SH3BGRL2: variants seen among roughly 807,000 people sequenced by gnomAD.
SH3BGRL2 encodes the protein SH3 domain binding glutamate rich protein like 2.
A neutral mutation model predicts 14.8 loss-of-function variants in SH3BGRL2; 21 were observed. The ratio of observed to expected loss-of-function variants is 1.42; its 90% confidence interval spans 1.01 to 2.05. The LOEUF is 2.05. SH3BGRL2 is among the 30% of genes most tolerant of loss of function. The pLI, the probability that SH3BGRL2 is intolerant of heterozygous loss-of-function variation, is 0.00. For missense variants in SH3BGRL2, 147 were observed against 130.8 expected, an observed-to-expected ratio of 1.12 and a Z score of -0.61; for synonymous variants, 50 against 47.8, an observed-to-expected ratio of 1.05 and a Z score of -0.19.
At chr6:79,669,452 CTTTTTTTTTT>C (rs66477199) in intron 1 of SH3BGRL2, among the ~76,000 whole-genome samples, 1 of 122,962 alleles carries the variant, frequency 8.1e-6, no homozygotes, top group African/African-American at 3.0e-5. Context: ...AATTTATATT[CTTTTTTTTTT>C]TTTTTTTTTG....
intron 1 of SH3BGRL2, among the ~76,000 whole-genome samples, chr6:79,636,814 A>G (rs922345808): frequency 2.0e-5 from 3 of 152,092 alleles, no homozygotes; most frequent in Admixed American, 6.6e-5. Context: ...CTGTGCATGT[A>G]TCTTTGTGCC....
At chr6:79,695,867 TTG>T (rs1562160607) in intron 2 of SH3BGRL2, among the ~76,000 whole-genome samples, 1 of 152,216 alleles carries the variant, frequency 6.6e-6, no homozygotes, top group Non-Finnish European at 1.5e-5. Flanking sequence ...CCAGAATTCC[TTG>T]ATGCCTTCTT....
chr6:79,546,008 T>A, the SH3BGRL2 span, among the ~76,000 whole-genome samples: 11 of 151,232 alleles, frequency 7.3e-5, no homozygotes, highest in Admixed American at 1.3e-4. Flanking sequence ...TCCTTACATT[T>A]AAAAAAAAAT....
intron 2 of SH3BGRL2, among the ~76,000 whole-genome samples, chr6:79,681,999 TTACACACACACACAC>T (rs1769997201): frequency 1.4e-5 from 2 of 140,640 alleles, no homozygotes; most frequent in Middle Eastern, 3.6e-3. Flanking sequence ...CACTATTATT[TTACACACACACACAC>T]TACACACACA....
At chr6:79,539,252 GT>G in the SH3BGRL2 span, among the ~76,000 whole-genome samples, 1 of 152,132 alleles carries the variant, frequency 6.6e-6, no homozygotes, top group Admixed American at 6.5e-5. Context: ...TGAGAAAGCA[GT>G]TTTAAAAGTT....
chr6:79,651,116 T>A (rs2127726434), intron 1 of SH3BGRL2, among the ~76,000 whole-genome samples: 1 of 152,206 alleles, frequency 6.6e-6, no homozygotes, highest in African/African-American at 2.4e-5. Flanking sequence ...CAAAACACAT[T>A]GTGTTGCAGA....
At chr6:79,695,215 C>T (rs1770307210) in intron 2 of SH3BGRL2, among the ~76,000 whole-genome samples, 1 of 152,158 alleles carries the variant, frequency 6.6e-6, no homozygotes, top group Non-Finnish European at 1.5e-5. Flanking sequence ...TCGCTCTTTT[C>T]AGACATGTTG....
At chr6:79,554,775 C>T in the SH3BGRL2 span, among the ~76,000 whole-genome samples, 9 of 151,944 alleles carry the variant, frequency 5.9e-5, no homozygotes, top group Non-Finnish European at 1.2e-4. Flanking sequence ...GTTTTAGTTC[C>T]CCTATTTGTA....
intron 1 of SH3BGRL2, among the ~76,000 whole-genome samples, chr6:79,644,470 C>G (rs34532743): frequency 0.076 from 11,630 of 152,204 alleles, 567 homozygotes; most frequent in Non-Finnish European, 0.11. Flanking sequence ...GCTCCAAGAT[C>G]ATTGTGCTTT....
At chr6:79,563,740 A>G in the SH3BGRL2 span, among the ~76,000 whole-genome samples, 2 of 152,170 alleles carry the variant, frequency 1.3e-5, no homozygotes, top group Non-Finnish European at 2.9e-5. Flanking sequence ...TCTAGGTGAG[A>G]CCAAAAAAAG....
chr6:79,579,473 G>C, the SH3BGRL2 span, among the ~76,000 whole-genome samples: 1 of 152,202 alleles, frequency 6.6e-6, no homozygotes, highest in Non-Finnish European at 1.5e-5. Flanking sequence ...CCACAACCCA[G>C]AAGAGAGTGG....
At chr6:79,578,847 C>G in the SH3BGRL2 span, among the ~76,000 whole-genome samples, 2 of 152,154 alleles carry the variant, frequency 1.3e-5, no homozygotes, top group Non-Finnish European at 2.9e-5. Context: ...TAATAACAAA[C>G]TTCTCTGAGC....
chr6:79,552,964 T>A, the SH3BGRL2 span: 1 of 152,238 alleles, frequency 6.6e-6, no homozygotes, highest in Non-Finnish European at 1.5e-5. Flanking sequence ...CCCTATGTCC[T>A]AGGGTTTGGA....
chr6:79,684,285 C>T (rs1770050147), intron 2 of SH3BGRL2, among the ~76,000 whole-genome samples: 1 of 152,142 alleles, frequency 6.6e-6, no homozygotes, highest in African/African-American at 2.4e-5. Context: ...GTTGTTATTA[C>T]ACTTTCTGTA....
the SH3BGRL2 span, among the ~76,000 whole-genome samples, chr6:79,560,841 A>G: frequency 6.6e-6 from 1 of 151,492 alleles, no homozygotes; most frequent in Non-Finnish European, 1.5e-5. Context: ...GAGTGGAAGA[A>G]ATAAAATTAA....
intron 2 of SH3BGRL2, among the ~76,000 whole-genome samples, chr6:79,686,472 G>T (rs1487606923): frequency 2.0e-5 from 3 of 151,834 alleles, no homozygotes; most frequent in Non-Finnish European, 4.4e-5. Context: ...AAAGGCATTC[G>T]TAACTTTTAT....
At chr6:79,578,398 TG>T in the SH3BGRL2 span, among the ~76,000 whole-genome samples, 3 of 152,102 alleles carry the variant, frequency 2.0e-5, no homozygotes, top group African/African-American at 7.2e-5. Context: ...CTCATATGGG[TG>T]GAGGCCCCTC....
chr6:79,615,671 T>A, the SH3BGRL2 span, among the ~76,000 whole-genome samples: 1 of 152,218 alleles, frequency 6.6e-6, no homozygotes, highest in Non-Finnish European at 1.5e-5. Flanking sequence ...GTTTTTACTT[T>A]AAGGGTCTTT....
chr6:79,663,145 T>G (rs1437911052), intron 1 of SH3BGRL2, among the ~76,000 whole-genome samples: 3 of 152,204 alleles, frequency 2.0e-5, no homozygotes, highest in Admixed American at 2.0e-4. Flanking sequence ...GAAGCCTACT[T>G]CTGTCTACTC....
Sources: allele counts gnomAD v4.1 joint callset (sites outside exome capture counted in the v4.1 genomes callset), GRCh38; gene constraint gnomAD v4.1.1; transcripts MANE v1.5; gene names NCBI Gene and HGNC (gene_info 2026-07-23, HGNC 2026-07-21).